Variants in PLXNA1 observed in about 807,000 individuals in gnomAD.
PLXNA1 encodes plexin A1, also known as plexin-A1.
In PLXNA1, 77 loss-of-function variants were observed where a neutral mutation model predicts 191.7. The ratio of observed to expected loss-of-function variants is 0.40; its 90% CI spans 0.33 to 0.49. The LOEUF (loss-of-function observed/expected upper bound fraction) is 0.49. Among genes scored for constraint, PLXNA1 ranks in the 20% least tolerant of loss-of-function variants. The pLI is 0.63. For synonymous variants in PLXNA1, 1,137 were observed against 1,156.4 expected (o/e 0.98, Z 0.34); for missense variants, 2,110 against 2,660.2 (o/e 0.79, Z 4.55).
At chr3:127,021,884 G>T (rs540142968) in intron 21 of PLXNA1, among the ~76,000 whole-genome samples, 2 of 152,244 alleles carry the variant, frequency 1.3e-5, no homozygotes, top group Non-Finnish European at 2.9e-5. Context: ...CACCCAGGTC[G>T]TGTCCATTTT....
At chr3:127,027,813 A>G in intron 23 of PLXNA1, 127 bp from the exon 24 acceptor site, 3 of 1,315,836 alleles carry the variant, frequency 2.3e-6, no homozygotes, top group African/African-American at 1.5e-5. Context: ...TTGCCTCCCA[A>G]AGAGTTGGGA....
chr3:126,996,793 G>A (rs551450093), intron 3 of PLXNA1, among the ~76,000 whole-genome samples: 3 of 152,256 alleles, frequency 2.0e-5, no homozygotes, highest in African/African-American at 7.2e-5. Flanking sequence ...GGTACAGCCT[G>A]TGCTGCACTG....
intron 9 of PLXNA1, among the ~76,000 whole-genome samples, chr3:127,009,550 T>C (rs1376107468): frequency 2.9e-5 from 4 of 139,660 alleles, no homozygotes; most frequent in African/African-American, 2.6e-5. Flanking sequence ...CCAGTGGCAG[T>C]CCCCCCCCAA....
intron 24 of PLXNA1, 31 bp downstream of exon 24, chr3:127,028,117 C>T: frequency 2.5e-6 from 4 of 1,613,588 alleles, no homozygotes; most frequent in Non-Finnish European, 3.4e-6. Context: ...TCCTGGGTGC[C>T]CTGGTGCCCC....
chr3:127,025,848 G>A (rs1047722831), intron 23 of PLXNA1, among the ~76,000 whole-genome samples: 22 of 152,210 alleles, frequency 1.4e-4, no homozygotes, highest in Admixed American at 1.2e-3. Context: ...CTGACATGCT[G>A]CAACATGGAT....
intron 20 of PLXNA1, 102 bp downstream of exon 20, chr3:127,018,630 C>A: frequency 1.1e-6 from 1 of 897,588 alleles, no homozygotes. Context: ...CCTGCTTCAG[C>A]TCAGTTTACA....
rs575140971 is a variant in PLXNA1 at position 126,988,990 on chromosome 3, G to A, written c.397G>A (p.Ala133Thr). 3.2e-5 allele frequency: 52 copies of A among 1,613,122 alleles called. No individual in the cohort carries two copies. The highest frequency in any genetic ancestry group is 3.3e-4 in the Middle Eastern group (2 of 6,062). The change falls in exon 2 of 32, where the codon GCC becomes ACC. Residue 133 changes from alanine (A) to threonine (T), a missense_variant. Ala to Thr is a moderately conservative substitution (Grantham distance 58). Transcript: ENST00000393409. Reference protein sequence around the residue: ...AANRLLACGSASQGICQFLRL... With the variant: ...AANRLLACGSTSQGICQFLRL... Reference sequence around the variant, plus strand: ...TAACCGCCTGCTGGCCTGTGGCAGCGCCTCCCAGGGCATCTGCCAGTTCCT... The same window carrying A: ...TAACCGCCTGCTGGCCTGTGGCAGCACCTCCCAGGGCATCTGCCAGTTCCT...
intron 19 of PLXNA1, 59 bp from the exon 20 acceptor site, chr3:127,018,235 G>A (rs1213946319): frequency 1.4e-6 from 2 of 1,444,234 alleles, no homozygotes; most frequent in Non-Finnish European, 1.9e-6. Context: ...CATCGGGAGG[G>A]GCTCCCAAGC....
At chr3:127,016,918 A>AC (rs752491882) in intron 16 of PLXNA1, 26 bp from the exon 17 acceptor site, 42 of 1,578,592 alleles carry the variant, frequency 2.7e-5, no homozygotes, top group East Asian at 9.0e-5. Flanking sequence ...TCATTTGGTG[A>AC]CCCCCCCACC....
intron 2 of PLXNA1, among the ~76,000 whole-genome samples, chr3:126,991,074 C>A (rs931199514): frequency 6.6e-6 from 1 of 152,232 alleles, no homozygotes; most frequent in Non-Finnish European, 1.5e-5. Flanking sequence ...CCCCACATCC[C>A]TTCCCTGCCT....
At chr3:127,018,026 A>G in intron 19 of PLXNA1, 134 bp downstream of exon 19, 2 of 1,275,498 alleles carry the variant, frequency 1.6e-6, no homozygotes, top group South Asian at 2.9e-5. Flanking sequence ...GCTCCAGTGC[A>G]GGCCCTGCCG....
At chr3:127,024,415 G>A (rs561339710) in intron 23 of PLXNA1, among the ~76,000 whole-genome samples, 2 of 152,306 alleles carry the variant, frequency 1.3e-5, no homozygotes, top group East Asian at 3.9e-4. Context: ...GGGACATTTG[G>A]GACAGGCGCT....
At chr3:127,003,714 T>G (rs2079052385) in intron 4 of PLXNA1, among the ~76,000 whole-genome samples, 1 of 152,236 alleles carries the variant, frequency 6.6e-6, no homozygotes, top group Non-Finnish European at 1.5e-5. Context: ...CATGTTCTCC[T>G]GGGCTGGGTT....
Position 126,988,708 on chromosome 3 carries a change from C to G in PLXNA1, c.115C>G (p.Pro39Ala), listed in dbSNP as rs140411089. The change falls in exon 2 of 32, where the codon CCC (proline) becomes GCC (alanine). Residue 39 changes from proline (P) to alanine (A), a missense_variant. Pro to Ala is a conservative substitution (Grantham distance 27). This residue lies in a region of PLXNA1 where 903 missense variants were observed against 1,015.7 expected (regional missense o/e 0.89). Transcript: ENST00000393409. ...GCCCAGGGCAGGCGGGGGTTCACAG[C>G]CCCCCTTCCGCACCTTCTCGGCCAG... ...GLPRAGGGSQ[P>A]PFRTFSASDW... 7 of 1,573,274 alleles carry G rather than the reference C, an allele frequency of 4.4e-6. No homozygotes were observed. Among genetic ancestry groups the G allele is most frequent in the Non-Finnish European group, 6.0e-6 (7 of 1,157,326 alleles).
At chr3:126,992,804 T>C (rs1157252239) in intron 3 of PLXNA1, among the ~76,000 whole-genome samples, 1 of 152,088 alleles carries the variant, frequency 6.6e-6, no homozygotes, top group Non-Finnish European at 1.5e-5. Context: ...GTGACTTCCC[T>C]CTTGGCCCCC....
chr3:126,993,523 C>T (rs536197224), intron 3 of PLXNA1, among the ~76,000 whole-genome samples: 8 of 152,288 alleles, frequency 5.3e-5, no homozygotes, highest in East Asian at 1.9e-4. Flanking sequence ...TGACCCTGGC[C>T]GGGCCCCCAC....
chr3:127,017,808 C>G lies in PLXNA1; in HGVS notation c.3576C>G (p.Ile1192Met). ...CCCGACTCAACTACACGGTGCTCATCGGCTCCACACCCTGTACCCTCACCG... is the reference window on the plus strand; with the variant it reads ...CCCGACTCAACTACACGGTGCTCATGGGCTCCACACCCTGTACCCTCACCG... Reference protein sequence around the residue: ...GNSRLNYTVLIGSTPCTLTVS... With the variant: ...GNSRLNYTVLMGSTPCTLTVS... The change falls in exon 19 of 32, where the codon ATC becomes ATG. Residue 1192 changes from isoleucine to methionine, a missense_variant. Physicochemically the swap from Ile to Met is conservative, Grantham distance 10. This residue lies in a region of PLXNA1 where 644 missense variants were observed against 714.3 expected (regional missense o/e 0.90). Transcript: ENST00000393409. The G allele has an allele frequency of 6.2e-7, 1 of 1,613,164 alleles. No homozygotes were observed. Among genetic ancestry groups the G allele is most frequent in the Middle Eastern group, 1.6e-4 (1 of 6,062 alleles).
intron 15 of PLXNA1, among the ~76,000 whole-genome samples, chr3:127,015,801 T>C (rs1251368281): frequency 6.6e-6 from 1 of 151,322 alleles, no homozygotes; most frequent in African/African-American, 2.4e-5. Context: ...CTCCTGGCAG[T>C]GGTGGAAGAA....
Position 127,017,870 on chromosome 3 carries a change from T to A in PLXNA1, c.3638T>A (p.Leu1213His). ...ETQLLCEAPNLTGQHKVTVRA... is the reference protein window; with the variant it reads ...ETQLLCEAPNHTGQHKVTVRA... ...CAACTGCTGTGCGAGGCGCCCAACC[T>A]CACTGGGCAGCACAAGGTCACGGTG... The change falls in exon 19 of 32, where the codon CTC (leucine) becomes CAC (histidine). Residue 1213 changes from leucine (L) to histidine (H), a missense_variant. By Grantham distance (99) the Leu-to-His change is moderately conservative. This residue lies in a region of PLXNA1 where 644 missense variants were observed against 714.3 expected (regional missense o/e 0.90). Coordinates refer to ENST00000393409, the MANE Select transcript of PLXNA1 (RefSeq NM_032242.4). 2 of 1,612,414 alleles carry A rather than the reference T, an allele frequency of 1.2e-6. No homozygotes were observed. The highest frequency in any genetic ancestry group is 1.7e-6 in the Non-Finnish European group (2 of 1,179,938).
Sources: gnomAD v4.1 joint callset for allele counts (sites outside exome capture counted in the v4.1 genomes callset) on GRCh38, gnomAD v4.1.1 for gene constraint, gnomAD v4.1.1 regional missense constraint, MANE v1.5 for transcripts, NCBI Gene and HGNC (gene_info 2026-07-23, HGNC 2026-07-21) for gene names.